Variants in ELF4 observed in about 807,000 individuals in gnomAD.
The protein encoded by ELF4 is ETS-related transcription factor Elf-4.
A neutral mutation model predicts 31.7 loss-of-function variants in ELF4; 10 were observed. The ratio of observed to expected loss-of-function variants is 0.32; its 90% confidence interval spans 0.19 to 0.54. The LOEUF is 0.54. Among genes scored for constraint, ELF4 ranks in the 20% least tolerant of loss-of-function variants. The probability of loss-of-function intolerance (pLI) is 0.95; values close to 1 mark genes in which losing one functional copy is unlikely to be tolerated. For missense variants in ELF4, 418 were observed against 522.0 expected (o/e 0.80, Z 1.94); for synonymous variants, 208 against 226.7 (o/e 0.92, Z 0.74).
At chrX:130,080,914 T>C (rs1932881841) in intron 2 of ELF4, among the ~76,000 whole-genome samples, 1 of 112,632 alleles carries the variant, frequency 8.9e-6, no homozygotes, top group Non-Finnish European at 1.9e-5. Flanking sequence ...GAAAAATGCA[T>C]CTGATGGTCA....
chrX:130,081,436 C>T lies in ELF4; in HGVS notation c.-106G>A. On this transcript the variant is annotated 5_prime_UTR_variant, in exon 2 of 9. Transcript: ENST00000308167. Reference sequence around the variant, plus strand: ...CAGGTACTTTGGAGCCTAGAGCCTACCCCCTGAGCTGCAGTAAAATAGGGG... The same window carrying T: ...CAGGTACTTTGGAGCCTAGAGCCTATCCCCTGAGCTGCAGTAAAATAGGGG... The T allele has an allele frequency of 1.2e-6, 1 of 837,588 alleles. No homozygotes were observed. Among genetic ancestry groups the T allele is most frequent in the Non-Finnish European group, 1.8e-6 (1 of 562,949 alleles). 69.0% of individuals were successfully genotyped at this position (837,588 alleles called of 1,213,427 possible).
chrX:130,099,195 C>G (rs1449876141), intron 1 of ELF4, among the ~76,000 whole-genome samples: 1 of 112,012 alleles, frequency 8.9e-6, no homozygotes, highest in Non-Finnish European at 1.9e-5. Flanking sequence ...GCCTCCCTCC[C>G]TAGAGATTTC....
rs895534018 is a variant in ELF4, at chrX:130,095,525, C to G, written c.-209-13986G>C. ...AAGGCTGGCTCACAGCTCTCCACTT[C>G]GAAGCCTCAGAGCCCCTGTGGGGCC... On this transcript the variant is annotated intron_variant, in intron 1 of 8. Transcript: ENST00000308167. Among the ~76,000 whole-genome samples the G allele has an allele frequency of 8.1e-5, 9 of 111,632 alleles. No homozygotes were observed. In the South Asian group the frequency reaches 3.3e-3, roughly 42 times the overall value.
intron 2 of ELF4, among the ~76,000 whole-genome samples, chrX:130,076,979 T>C (rs1932840304): frequency 9.0e-6 from 1 of 111,068 alleles, no homozygotes; most frequent in Non-Finnish European, 1.9e-5. Context: ...GATTTGGCCA[T>C]GGTCAGTCAC....
At chrX:130,097,074 G>A (rs1933161920) in intron 1 of ELF4, among the ~76,000 whole-genome samples, 1 of 106,474 alleles carries the variant, frequency 9.4e-6, no homozygotes, top group African/African-American at 3.4e-5. Flanking sequence ...AGGTGGGAAG[G>A]TGGCTTGAGG....
At chrX:130,101,888 G>C (rs1933267504) in intron 1 of ELF4, among the ~76,000 whole-genome samples, 1 of 112,590 alleles carries the variant, frequency 8.9e-6, no homozygotes, top group Admixed American at 9.4e-5. Context: ...GGTAATCCCA[G>C]CACTTTGGGA....
At chrX:130,074,891 T>G (rs1163459723) in intron 2 of ELF4, 139 bp from the exon 3 acceptor site, 1 of 720,357 alleles carries the variant, frequency 1.4e-6, no homozygotes, top group African/African-American at 2.1e-5. Context: ...GATATAACTC[T>G]GGGTCCAGCC....
intron 1 of ELF4, among the ~76,000 whole-genome samples, chrX:130,090,382 A>AAG (rs1556212636): frequency 9.1e-6 from 1 of 109,520 alleles, no homozygotes; most frequent in Admixed American, 9.8e-5. Flanking sequence ...CAAAAAAAAA[A>AAG]AAGAAGAAGA....
At position 130,067,055 on chromosome X, in the gene ELF4, C is replaced by T. The variant is rs773675684; in HGVS notation, c.1658G>A (p.Gly553Glu). ...AACCAGCAGCCCCTCCATGGGGGCCCCCGTCACCATACCCTGAACATAGGA... is the reference window on the plus strand; with the variant it reads ...AACCAGCAGCCCCTCCATGGGGGCCTCCGTCACCATACCCTGAACATAGGA... ...SSSYVQGMVT[G>E]APMEGLLVPE... The change falls in exon 9 of 9, where the codon GGG becomes GAG. Residue 553 changes from glycine (G) to glutamate (E), a missense_variant. Around this residue, in one of 4 missense-constraint regions of ELF4, gnomAD observed 260 missense variants for 269.2 expected, o/e 0.97. Transcript: ENST00000308167. 10 of 1,211,874 alleles carry T rather than the reference C, an allele frequency of 8.3e-6. No individual in the cohort carries two copies. Among genetic ancestry groups the T allele is most frequent in the Admixed American group, 2.2e-5 (1 of 46,099 alleles).
chrX:130,098,151 C>T, intron 1 of ELF4, among the ~76,000 whole-genome samples: 1 of 112,286 alleles, frequency 8.9e-6, no homozygotes, highest in Non-Finnish European at 1.9e-5. Context: ...GGATTGCTGC[C>T]TGGCACAGGC....
At chrX:130,071,676 T>G (rs998069457) in intron 5 of ELF4, among the ~76,000 whole-genome samples, 1 of 112,793 alleles carries the variant, frequency 8.9e-6, no homozygotes, top group East Asian at 2.8e-4. Flanking sequence ...AGAATCTGCC[T>G]AGCCTAACTT....
At chrX:130,074,518 C>T in intron 3 of ELF4, 63 bp downstream of exon 3, 2 of 1,199,249 alleles carry the variant, frequency 1.7e-6, no homozygotes, top group Non-Finnish European at 2.3e-6. Flanking sequence ...TTGTGGGCTG[C>T]TGTTCCCTAA....
intron 1 of ELF4, among the ~76,000 whole-genome samples, chrX:130,109,499 G>A (rs1390640615): frequency 8.9e-6 from 1 of 112,823 alleles, no homozygotes; most frequent in Non-Finnish European, 1.9e-5. Context: ...CCTCAGCTGG[G>A]GTATGGTGCG....
intron 8 of ELF4, among the ~76,000 whole-genome samples, 179 bp from the exon 9 acceptor site, chrX:130,067,704 C>T (rs1304349116): frequency 8.9e-6 from 1 of 112,061 alleles, no homozygotes; most frequent in African/African-American, 3.2e-5. Context: ...TGCAGTGACA[C>T]GATTACTGCT....
At chrX:130,081,155 C>T in intron 2 of ELF4, 101 bp downstream of exon 2, 1 of 976,170 alleles carries the variant, frequency 1.0e-6, no homozygotes, top group Non-Finnish European at 1.5e-6. Context: ...TGCTGATTGG[C>T]TAGCTGTGCA....
In ELF4 at chrX:130,072,205, C is replaced by T. The variant is rs779537342; in HGVS notation, c.532+21G>A. The T allele has an allele frequency of 6.5e-6, 6 of 926,977 alleles. No homozygotes were observed. In the South Asian group the frequency reaches 7.7e-5, roughly 12 times the overall value. The allele number at this position is 926,977 out of a possible 1,213,427, so 76.4% of individuals were successfully genotyped here. On this transcript the variant is annotated intron_variant, in intron 5 of 8. Transcript: ENST00000308167. ...GCCCATCCCCTCGGAGACACACATACACTCACTCTCCCCCACTTACTTCTC... is the reference window on the plus strand; with the variant it reads ...GCCCATCCCCTCGGAGACACACATATACTCACTCTCCCCCACTTACTTCTC...
chrX:130,067,624 GATTT>G, intron 8 of ELF4, 99 bp from the exon 9 acceptor site: 3 of 899,215 alleles, frequency 3.3e-6, no homozygotes, highest in South Asian at 4.1e-5. Context: ...GGTGTTTGTC[GATTT>G]ATTTGCTGTT....
At chrX:130,087,926 G>A (rs948314545) in intron 1 of ELF4, among the ~76,000 whole-genome samples, 27 of 112,208 alleles carry the variant, frequency 2.4e-4, no homozygotes, top group Non-Finnish European at 3.9e-4. Context: ...AATATAAAAT[G>A]TATGGTAGAG....
chrX:130,067,637 T>A, intron 8 of ELF4, 112 bp from the exon 9 acceptor site: 1 of 840,317 alleles, frequency 1.2e-6, no homozygotes. Flanking sequence ...TTATTTGCTG[T>A]TTGTTGTTTT....
Sources: gnomAD v4.1 joint callset for allele counts (sites outside exome capture counted in the v4.1 genomes callset) on GRCh38, gnomAD v4.1.1 for gene constraint, gnomAD v4.1.1 regional missense constraint, MANE v1.5 for transcripts, NCBI Gene and HGNC (gene_info 2026-07-23, HGNC 2026-07-21) for gene names.